Variants in TNFSF4 observed in about 807,000 individuals in gnomAD.
TNFSF4 encodes TNF superfamily member 4.
TNFSF4 carries 4 observed loss-of-function variants against 7.3 expected under a neutral mutation model. The observed-to-expected ratio is 0.55, with a 90% CI of 0.27 to 1.25. The LOEUF is 1.25. Among genes scored for constraint, TNFSF4 ranks in the 50% most tolerant of loss-of-function variants. TNFSF4 has a pLI of 0.12. For synonymous variants in TNFSF4, 76 were observed against 83.7 expected (o/e 0.91, Z 0.50); for missense variants, 181 against 208.8 (o/e 0.87, Z 0.82).
At chr1:173,274,021 G>T in the TNFSF4 span, among the ~76,000 whole-genome samples, 1 of 151,784 alleles carries the variant, frequency 6.6e-6, no homozygotes, top group African/African-American at 2.4e-5. Context: ...TCAAGATAAA[G>T]TTCCTAGTAG....
At chr1:173,187,266 A>G (rs10912557) in intron 2 of TNFSF4, among the ~76,000 whole-genome samples, 11,931 of 152,162 alleles carry the variant, frequency 0.078, 670 homozygotes, top group African/African-American at 0.16. Flanking sequence ...GGTTTCCCCA[A>G]TTTTTCAGAA....
At chr1:173,229,553 T>C in the TNFSF4 span, among the ~76,000 whole-genome samples, 1 of 152,174 alleles carries the variant, frequency 6.6e-6, no homozygotes, top group African/African-American at 2.4e-5. Flanking sequence ...GCTAACATCA[T>C]AGTGACAGGA....
the TNFSF4 span, among the ~76,000 whole-genome samples, chr1:173,270,307 G>A: frequency 1.3e-5 from 2 of 152,130 alleles, no homozygotes; most frequent in East Asian, 1.9e-4. Flanking sequence ...GGGACTGTAA[G>A]TTTGGGAATT....
the TNFSF4 span, among the ~76,000 whole-genome samples, chr1:173,319,741 C>A: frequency 6.6e-6 from 1 of 152,162 alleles, no homozygotes; most frequent in Non-Finnish European, 1.5e-5. Context: ...CTCCAACAAA[C>A]TGAAGCAGAC....
the TNFSF4 span, among the ~76,000 whole-genome samples, chr1:173,246,902 G>T: frequency 4.6e-5 from 7 of 152,282 alleles, no homozygotes; most frequent in Non-Finnish European, 7.4e-5. Context: ...CCAAGTCTAA[G>T]ACAAGAACTT....
chr1:173,450,199 T>A, the TNFSF4 span, among the ~76,000 whole-genome samples: 2 of 152,122 alleles, frequency 1.3e-5, no homozygotes, highest in African/African-American at 4.8e-5. Flanking sequence ...TTAAAAAAAA[T>A]TACCAAATTC....
the TNFSF4 span, among the ~76,000 whole-genome samples, chr1:173,219,529 G>T: frequency 1.3e-5 from 2 of 152,042 alleles, no homozygotes; most frequent in South Asian, 4.1e-4. Context: ...TCACTACTGG[G>T]TATCTCCCCA....
At chr1:173,376,381 T>C in the TNFSF4 span, among the ~76,000 whole-genome samples, 66 of 151,640 alleles carry the variant, frequency 4.4e-4, no homozygotes, top group Middle Eastern at 3.4e-3. Flanking sequence ...AAGGTGGGAG[T>C]TGAACAATGA....
the TNFSF4 span, among the ~76,000 whole-genome samples, chr1:173,341,563 T>G: frequency 6.6e-6 from 1 of 152,306 alleles, no homozygotes; most frequent in African/African-American, 2.4e-5. Flanking sequence ...TAATTAAATC[T>G]CAGCTTGGCC....
the TNFSF4 span, among the ~76,000 whole-genome samples, chr1:173,220,883 A>C: frequency 1.3e-5 from 2 of 152,156 alleles, no homozygotes; most frequent in Non-Finnish European, 2.9e-5. Flanking sequence ...AAATGCTGTG[A>C]CCCACATACT....
At chr1:173,401,425 T>C in the TNFSF4 span, among the ~76,000 whole-genome samples, 1 of 152,162 alleles carries the variant, frequency 6.6e-6, no homozygotes, top group Non-Finnish European at 1.5e-5. Context: ...GTCAAGGTGT[T>C]TACAGATGAA....
chr1:173,178,067 AT>A, the TNFSF4 span, among the ~76,000 whole-genome samples: 5 of 152,066 alleles, frequency 3.3e-5, no homozygotes, highest in African/African-American at 1.2e-4. Context: ...TATCCTACCT[AT>A]TTTTTAGACT....
In TNFSF4 at chr1:173,195,445, T is replaced by C. The variant is rs147175978; in HGVS notation, c.154-6876A>G. Among the ~76,000 whole-genome samples, 265 of 152,268 alleles carry C rather than the reference T, an allele frequency of 1.7e-3. 3 individuals carry two copies. Among genetic ancestry groups the C allele is most frequent in the Non-Finnish European group, 8.2e-4 (56 of 68,022 alleles). On this transcript the variant is annotated intron_variant, in intron 1 of 2. Coordinates refer to ENST00000281834, the MANE Select transcript of TNFSF4 (RefSeq NM_003326.5). ...ACAAAGCAGGCTCCCCATGCAGGTG[T>C]AGCAAAGAAGAGTCAGAATTAGGTT...
At chr1:173,370,584 T>A in the TNFSF4 span, among the ~76,000 whole-genome samples, 1 of 152,200 alleles carries the variant, frequency 6.6e-6, no homozygotes, top group Non-Finnish European at 1.5e-5. Context: ...TATACTCCCC[T>A]GTCACCTGAC....
At chr1:173,222,266 T>C in the TNFSF4 span, among the ~76,000 whole-genome samples, 3 of 152,002 alleles carry the variant, frequency 2.0e-5, no homozygotes, top group Non-Finnish European at 4.4e-5. Context: ...AAATGAAACC[T>C]AAAATAAAGC....
chr1:173,199,263 A>G lies in TNFSF4; in HGVS notation c.153+7761T>C, dbSNP rs1344177004. Among the ~76,000 whole-genome samples, 3 of 152,232 alleles carry G rather than the reference A, an allele frequency of 2.0e-5. No individual in the cohort carries two copies. The East Asian group carries it at 5.8e-4, about 29-fold the overall frequency. On this transcript the variant is annotated intron_variant, in intron 1 of 2. Coordinates refer to ENST00000281834, the MANE Select transcript of TNFSF4 (RefSeq NM_003326.5). ...TAAACATTGCTGAATAAGTTGATGA[A>G]TAAGTGCTTTATAGCGGCTTGAATA...
the TNFSF4 span, among the ~76,000 whole-genome samples, chr1:173,390,737 C>CTTTTTTTT: frequency 7.6e-5 from 10 of 131,572 alleles, no homozygotes; most frequent in East Asian, 2.2e-4. Context: ...CATTCTGCTT[C>CTTTTTTTT]TTTTTTTTTT....
the TNFSF4 span, among the ~76,000 whole-genome samples, chr1:173,341,358 C>T: frequency 1.3e-5 from 2 of 152,106 alleles, no homozygotes; most frequent in East Asian, 1.9e-4. Context: ...CAGAATAATT[C>T]GTGTAACCCC....
At chr1:173,211,638 C>T (rs188982652), upstream of TNFSF4, among the ~76,000 whole-genome samples, 90 of 152,252 alleles carry the variant, frequency 5.9e-4, no homozygotes, top group African/African-American at 2.1e-3. Flanking sequence ...ACACCCTTAC[C>T]CTCCACCTCT....
Sources: allele counts gnomAD v4.1 joint callset (sites outside exome capture counted in the v4.1 genomes callset), GRCh38; gene constraint gnomAD v4.1.1; transcripts MANE v1.5; gene names NCBI Gene and HGNC (gene_info 2026-07-23, HGNC 2026-07-21).